Variants in ENAH observed in about 807,000 individuals in gnomAD.
ENAH encodes the protein protein enabled homolog.
A neutral mutation model predicts 78.7 loss-of-function variants in ENAH; 23 were observed. That is an observed-to-expected ratio of 0.29 (90% CI 0.21 to 0.41). The LOEUF is 0.41. Ranked by LOEUF, ENAH falls within the 10% of genes least tolerant of loss-of-function variation. The probability of loss-of-function intolerance (pLI) is 1.00; values close to 1 mark genes in which losing one functional copy is unlikely to be tolerated. For synonymous variants in ENAH, 226 were observed against 241.0 expected, an observed-to-expected ratio of 0.94 and a Z score of 0.58; for missense variants, 544 against 691.0, an observed-to-expected ratio of 0.79 and a Z score of 2.39.
At chr1:225,531,236 G>A (rs1032596668) in intron 3 of ENAH, among the ~76,000 whole-genome samples, 3 of 151,960 alleles carry the variant, frequency 2.0e-5, no homozygotes, top group African/African-American at 7.2e-5. Context: ...TTAACCTACT[G>A]AACTGAATTT....
intron 3 of ENAH, among the ~76,000 whole-genome samples, chr1:225,542,004 TTGAG>T (rs1161580123): frequency 6.6e-6 from 1 of 152,132 alleles, no homozygotes; most frequent in Non-Finnish European, 1.5e-5. Context: ...CCTCAGTCTC[TTGAG>T]TATCTGGGAC....
chr1:225,497,709 A>C lies in ENAH; in HGVS notation c.*66T>G, dbSNP rs553154988. Reference sequence around the variant, plus strand: ...ATAAATGTAGGGGTTTGCTGTTGTGAACAGTTGTTGTTTGTAGGATATTTT... The same window carrying C: ...ATAAATGTAGGGGTTTGCTGTTGTGCACAGTTGTTGTTTGTAGGATATTTT... On this transcript the variant is annotated 3_prime_UTR_variant, in exon 14 of 14. Coordinates refer to ENST00000366843, the MANE Select transcript of ENAH (RefSeq NM_018212.6). The C allele has an allele frequency of 4.8e-4, 734 of 1,518,388 alleles. 1 individual carries two copies. The highest frequency in any genetic ancestry group is 6.3e-4 in the Non-Finnish European group (699 of 1,101,382). The allele number at this position is 1,518,388 out of a possible 1,614,324, so 94.1% of individuals were successfully genotyped here. A position where few individuals can be genotyped will look rare whatever the true frequency, so the allele number is the denominator to read the frequency against.
chr1:225,625,120 A>C (rs1657713732), intron 1 of ENAH, among the ~76,000 whole-genome samples: 1 of 152,264 alleles, frequency 6.6e-6, no homozygotes, highest in Non-Finnish European at 1.5e-5. Flanking sequence ...ACTTAATTTC[A>C]AAATGGGTTT....
intron 1 of ENAH, among the ~76,000 whole-genome samples, chr1:225,593,192 G>T (rs2096885456): frequency 6.6e-6 from 1 of 152,134 alleles, no homozygotes; most frequent in East Asian, 1.9e-4. Context: ...TAGCCACCCT[G>T]AAGAGCAAAC....
chr1:225,578,731 A>AATATTTCAGAGCCC (rs148036398), intron 1 of ENAH, among the ~76,000 whole-genome samples: 6,552 of 152,250 alleles, frequency 0.043, 230 homozygotes, highest in South Asian at 0.11. Flanking sequence ...ACTGTCTATA[A>AATATTTCAGAGCCC]ATATTTCAGA....
At chr1:225,561,091 G>T (rs1445374520) in intron 2 of ENAH, among the ~76,000 whole-genome samples, 3 of 150,602 alleles carry the variant, frequency 2.0e-5, no homozygotes, top group Non-Finnish European at 4.4e-5. Context: ...AAAATTAGCT[G>T]GGCTTGGTGG....
At chr1:225,567,471 T>C (rs1362853168) in intron 1 of ENAH, 57 bp from the exon 2 acceptor site, 7 of 1,514,116 alleles carry the variant, frequency 4.6e-6, no homozygotes, top group Non-Finnish European at 6.2e-6. Context: ...TGCTAAGTGT[T>C]CCACATAGCC....
intron 3 of ENAH, among the ~76,000 whole-genome samples, chr1:225,539,451 G>A (rs2096578555): frequency 6.6e-6 from 1 of 152,084 alleles, no homozygotes; most frequent in Non-Finnish European, 1.5e-5. Context: ...ACATGTATGA[G>A]GGGATAAGCT....
chr1:225,516,532 G>A (rs1220005234), intron 6 of ENAH, among the ~76,000 whole-genome samples: 2 of 152,202 alleles, frequency 1.3e-5, no homozygotes, highest in Non-Finnish European at 2.9e-5. Context: ...TTTAGATCAT[G>A]TATTTATTGT....
At chr1:225,551,708 T>C (rs760485955) in intron 3 of ENAH, among the ~76,000 whole-genome samples, 6 of 152,240 alleles carry the variant, frequency 3.9e-5, no homozygotes, top group Non-Finnish European at 8.8e-5. Context: ...GTGGATAATA[T>C]TGATATTAGC....
chr1:225,507,354 T>C (rs1413160090), intron 11 of ENAH, among the ~76,000 whole-genome samples: 1 of 152,004 alleles, frequency 6.6e-6, no homozygotes, highest in African/African-American at 2.4e-5. Flanking sequence ...TAAATATATA[T>C]ACATAAAATC....
chr1:225,627,398 T>C (rs1040017000), intron 1 of ENAH, among the ~76,000 whole-genome samples: 2 of 151,950 alleles, frequency 1.3e-5, no homozygotes, highest in Admixed American at 6.6e-5. Context: ...AGTAACATTG[T>C]GGAGGAGGGG....
At chr1:225,619,716 G>A (rs1656453515) in intron 1 of ENAH, among the ~76,000 whole-genome samples, 1 of 152,144 alleles carries the variant, frequency 6.6e-6, no homozygotes, top group Admixed American at 6.5e-5. Flanking sequence ...TTAAAACCCT[G>A]AATGGTCTCA....
chr1:225,492,530 T>C lies in ENAH; in HGVS notation c.*5245A>G, dbSNP rs2096227064. ...CCAGAAGCGTCTACGGGCCCTGCTCTCTGCTCTTTATGAGTATTTAACATG... is the reference window on the plus strand; with the variant it reads ...CCAGAAGCGTCTACGGGCCCTGCTCCCTGCTCTTTATGAGTATTTAACATG... On this transcript the variant is annotated 3_prime_UTR_variant, in exon 14 of 14. Transcript: ENST00000366843. The C allele has an allele frequency of 6.6e-6, 1 of 152,238 alleles. No individual in the cohort carries two copies. The highest frequency in any genetic ancestry group is 1.5e-5 in the Non-Finnish European group (1 of 68,056). 9.4% of individuals were successfully genotyped at this position (152,238 alleles called of 1,614,324 possible).
rs145332322 is a variant in ENAH, at chr1:225,536,484, G to A, written c.350-5846C>T. On this transcript the variant is annotated intron_variant, in intron 3 of 13. Transcript: ENST00000366843. ...AAGAAATTATTTTCAGCATGGGAAA[G>A]ATTTTCTTTTTCCGTTGGTATTAAC... is the stretch of plus-strand genomic sequence containing the variant. Among the ~76,000 whole-genome samples, 457 of 152,082 alleles carry A rather than the reference G, an allele frequency of 3.0e-3. 1 individual carries two copies. Among genetic ancestry groups the A allele is most frequent in the Non-Finnish European group, 2.3e-3 (157 of 67,954 alleles).
rs199690289 is a variant in ENAH at position 225,608,224 on chromosome 1, A to G, written c.6-40810T>C. ...GGAGTTGGAATATAAAAAACAGAAA[A>G]AAAAAAAAAAAAAAGACAAAATCAG... On this transcript the variant is annotated intron_variant, in intron 1 of 13. Transcript: ENST00000366843. 6.7e-5 allele frequency among the ~76,000 whole-genome samples: 10 copies of G among 150,340 alleles called. No individual in the cohort carries two copies. In the East Asian group the frequency reaches 1.9e-3, roughly 29 times the overall value.
At chr1:225,617,235 T>C (rs948387460) in intron 1 of ENAH, among the ~76,000 whole-genome samples, 3 of 152,254 alleles carry the variant, frequency 2.0e-5, no homozygotes, top group African/African-American at 7.2e-5. Context: ...GAAATATACA[T>C]GTCCACTGAC....
intron 4 of ENAH, among the ~76,000 whole-genome samples, chr1:225,522,620 G>C (rs984107125): frequency 1.3e-5 from 2 of 152,184 alleles, no homozygotes; most frequent in African/African-American, 4.8e-5. Flanking sequence ...ATAATAAACA[G>C]AGGAAAGTCA....
chr1:225,568,473 A>G (rs1171251547), intron 1 of ENAH, among the ~76,000 whole-genome samples: 1 of 152,246 alleles, frequency 6.6e-6, no homozygotes, highest in Non-Finnish European at 1.5e-5. Flanking sequence ...TATGCTATTA[A>G]CCCAATTAAA....
Sources: gnomAD v4.1 joint callset for allele counts (sites outside exome capture counted in the v4.1 genomes callset) on GRCh38, gnomAD v4.1.1 for gene constraint, MANE v1.5 for transcripts, NCBI Gene and HGNC (gene_info 2026-07-23, HGNC 2026-07-21) for gene names.